Variants in MAML2 observed in about 807,000 individuals in gnomAD.
MAML2 encodes mastermind-like protein 2.
A neutral mutation model predicts 96.1 loss-of-function variants in MAML2; 22 were observed. The observed-to-expected ratio is 0.23, with a 90% CI of 0.16 to 0.33. The LOEUF (loss-of-function observed/expected upper bound fraction) is 0.33. Among genes scored for constraint, MAML2 ranks in the 10% least tolerant of loss-of-function variants. The pLI is 1.00. For missense variants in MAML2, 1,367 were observed against 1,392.4 expected (o/e 0.98, Z 0.29); for synonymous variants, 561 against 521.3 (o/e 1.08, Z -1.04).
chr11:96,183,108 C>T lies in MAML2; in HGVS notation c.514-89591G>A, dbSNP rs576916432. 1.3e-4 allele frequency among the ~76,000 whole-genome samples: 20 copies of T among 151,918 alleles called. 2 individuals are homozygous for T. In the South Asian group the frequency reaches 4.2e-3, roughly 32 times the overall value. On this transcript the variant is annotated intron_variant, in intron 1 of 4. Transcript: ENST00000524717. ...AAGTAGCTGGGACTACAGGCGTGTA[C>T]CACGACGCCTGGCTAATTTTTTGTA...
chr11:96,003,956 A>G (rs1471927374), intron 2 of MAML2, among the ~76,000 whole-genome samples: 5 of 152,150 alleles, frequency 3.3e-5, no homozygotes, highest in Non-Finnish European at 5.9e-5. Flanking sequence ...GAGCATTACC[A>G]CCACTGCCTC....
chr11:95,998,125 T>TGTCTGTCTGTCAGTCA (rs1554993530), intron 2 of MAML2, among the ~76,000 whole-genome samples: 27 of 125,694 alleles, frequency 2.1e-4, no homozygotes, highest in African/African-American at 8.2e-4. Context: ...TCTATCTATC[T>TGTCTGTCTGTCAGTCA]GTCTGTCTGT....
At chr11:96,145,829 G>A (rs978872251) in intron 1 of MAML2, among the ~76,000 whole-genome samples, 11 of 152,250 alleles carry the variant, frequency 7.2e-5, no homozygotes, top group Non-Finnish European at 1.2e-4. Flanking sequence ...CCAACATGGC[G>A]AAACCCCGTC....
chr11:96,061,197 A>T (rs1859153689), intron 2 of MAML2, among the ~76,000 whole-genome samples: 1 of 152,176 alleles, frequency 6.6e-6, no homozygotes, highest in African/African-American at 2.4e-5. Context: ...CACATAAGGG[A>T]TTCATTTAGA....
At chr11:96,081,217 C>G (rs1408053179) in intron 2 of MAML2, among the ~76,000 whole-genome samples, 2 of 152,018 alleles carry the variant, frequency 1.3e-5, no homozygotes, top group Non-Finnish European at 2.9e-5. Flanking sequence ...AACATTATAC[C>G]TATAACCACA....
Position 96,246,992 on chromosome 11 carries a change from T to C in MAML2, c.513+94391A>G, listed in dbSNP as rs77661622. On this transcript the variant is annotated intron_variant, in intron 1 of 4. Coordinates refer to ENST00000524717, the MANE Select transcript of MAML2 (RefSeq NM_032427.4). The stretch of plus-strand genomic sequence containing the variant: ...TGTGGCATGATCAAAAGAATAATTA[T>C]ACAGAGAGGAATTCTGCAGACAAAA... 8.8e-4 allele frequency among the ~76,000 whole-genome samples: 134 copies of C among 152,210 alleles called. 2 individuals carry two copies. In the East Asian group the frequency reaches 0.021, roughly 24 times the overall value.
chr11:96,159,407 C>CTTTTTTTTGT (rs1861066492), intron 1 of MAML2, among the ~76,000 whole-genome samples: 1 of 91,122 alleles, frequency 1.1e-5, no homozygotes. Flanking sequence ...ACCACTGATT[C>CTTTTTTTTGT]TTTTTTTTTT....
In MAML2 at chr11:95,979,620, T is replaced by C. The variant is rs1591074651; in HGVS notation, c.2799A>G (p.Ser933=). Residue 933 remains serine (S), a synonymous_variant, in exon 5 of 5, where the codon TCA becomes TCG. Transcript: ENST00000524717. ...GGGTTAAATTTGGTCTCAATTGTTG[T>C]GAATTACCAACAGATCCAGCTCCAA... ...ATFGAGSVGN[S]QQLRPNLTHS... is the part of the protein sequence containing the mutation. 1 of 1,614,008 alleles carries C rather than the reference T, an allele frequency of 6.2e-7. No homozygotes were observed. Among genetic ancestry groups the C allele is most frequent in the African/African-American group, 1.3e-5 (1 of 75,054 alleles).
chr11:96,245,704 A>AAT (rs1403376912), intron 1 of MAML2, among the ~76,000 whole-genome samples: 2 of 102,670 alleles, frequency 1.9e-5, no homozygotes, highest in Non-Finnish European at 4.3e-5. Flanking sequence ...ACCCATACCT[A>AAT]ATTTTTTTTT....
chr11:96,092,072 T>TTGTTGCTGC lies in MAML2; in HGVS notation c.1950_1958dup (p.Gln663_Gln665dup), dbSNP rs1238467213. ...GCTGCTGCTGCTGTTGTTGCTGTTGTTGTTGCTGCTGCTGCTGCTGTTGTT... is the reference window on the plus strand; with the variant it reads ...GCTGCTGCTGCTGTTGTTGCTGTTGTTGTTGCTGCTGTTGCTGCTGCTGCTGCTGTTGTT... On this transcript the variant is annotated inframe_insertion, in exon 2 of 5. Transcript: ENST00000524717. The surrounding 1 kb of genome is among the most constrained non-coding windows in gnomAD (Gnocchi z 4.1). 8.4e-6 allele frequency: 13 copies of TTGTTGCTGC among 1,549,210 alleles called. No homozygotes were observed. In the African/African-American group the frequency reaches 1.8e-4, roughly 21 times the overall value.
intron 2 of MAML2, among the ~76,000 whole-genome samples, chr11:96,019,423 A>G (rs1247014631): frequency 6.6e-6 from 1 of 152,082 alleles, no homozygotes; most frequent in African/African-American, 2.4e-5. Context: ...GGAAGCTATT[A>G]GCTTCAACAT....
rs547049367 is a variant in MAML2, at chr11:96,295,810, TTAAAG to T, written c.513+45568_513+45572del. Among the ~76,000 whole-genome samples, 224 of 151,880 alleles carry T rather than the reference TTAAAG, an allele frequency of 1.5e-3. 1 individual carries two copies. Among genetic ancestry groups the T allele is most frequent in the African/African-American group, 5.1e-3 (213 of 41,386 alleles). On this transcript the variant is annotated intron_variant, in intron 1 of 4. Coordinates refer to ENST00000524717, the MANE Select transcript of MAML2 (RefSeq NM_032427.4). The stretch of plus-strand genomic sequence containing the variant: ...TAAAGAAGTAGCTTCCATATTCATA[TTAAAG>T]TAAATTCATAATCATTCATCCACAA...
chr11:96,042,831 A>T (rs1020051614), intron 2 of MAML2, among the ~76,000 whole-genome samples: 1 of 140,434 alleles, frequency 7.1e-6, no homozygotes, highest in Non-Finnish European at 1.5e-5. Flanking sequence ...TGCGTCCTCC[A>T]ACTTCTGGGT....
At chr11:96,073,273 A>G (rs1318288921) in intron 2 of MAML2, among the ~76,000 whole-genome samples, 1 of 150,642 alleles carries the variant, frequency 6.6e-6, no homozygotes, top group Non-Finnish European at 1.5e-5. Flanking sequence ...CACCTCCTCC[A>G]TTTAAAAAAA....
At chr11:96,068,638 C>T (rs1301950069) in intron 2 of MAML2, among the ~76,000 whole-genome samples, 1 of 152,010 alleles carries the variant, frequency 6.6e-6, no homozygotes, top group East Asian at 1.9e-4. Flanking sequence ...ACCATCCTGG[C>T]TAACACGGTG....
At chr11:96,243,128 C>G (rs934380914) in intron 1 of MAML2, among the ~76,000 whole-genome samples, 3 of 125,546 alleles carry the variant, frequency 2.4e-5, no homozygotes, top group Non-Finnish European at 1.9e-5. Flanking sequence ...GTTACATTCT[C>G]TCTTACACAC....
chr11:96,032,707 C>A (rs1314541969), intron 2 of MAML2, among the ~76,000 whole-genome samples: 1 of 151,900 alleles, frequency 6.6e-6, no homozygotes, highest in Non-Finnish European at 1.5e-5. Context: ...GATGCTACTT[C>A]GCACTAAAAA....
intron 2 of MAML2, among the ~76,000 whole-genome samples, chr11:96,063,746 A>C (rs10831476): frequency 0.16 from 24,176 of 152,176 alleles, 2,105 homozygotes; most frequent in East Asian, 0.23. Context: ...ACTACCCAAT[A>C]AATGCTCATT....
At chr11:96,156,444 C>T (rs1009556442) in intron 1 of MAML2, among the ~76,000 whole-genome samples, 1 of 152,130 alleles carries the variant, frequency 6.6e-6, no homozygotes, top group Non-Finnish European at 1.5e-5. Flanking sequence ...GGCTAACTCT[C>T]ATTGTTGGGA....
Sources: gnomAD v4.1 joint callset for allele counts (sites outside exome capture counted in the v4.1 genomes callset) on GRCh38, gnomAD v4.1.1 for gene constraint, Gnocchi (gnomAD v3.1) non-coding constraint, MANE v1.5 for transcripts, NCBI Gene and HGNC (gene_info 2026-07-23, HGNC 2026-07-21) for gene names.